The following TANC1 variants were observed in gnomAD, a reference collection of about 807,000 sequenced individuals.
The protein encoded by TANC1 is protein TANC1.
TANC1 carries 77 observed loss-of-function variants against 149.7 expected under a neutral mutation model. That is an observed-to-expected ratio of 0.51 (90% confidence interval 0.43 to 0.62). The LOEUF (loss-of-function observed/expected upper bound fraction) is 0.62, where lower values mean the gene tolerates loss of function less well. TANC1 is among the 20% of genes least tolerant of loss of function. The pLI is 0.00. For missense variants in TANC1, 1,985 were observed against 2,321.8 expected, an observed-to-expected ratio of 0.85 and a Z score of 2.98; for synonymous variants, 854 against 925.0, an observed-to-expected ratio of 0.92 and a Z score of 1.39.
intron 1 of TANC1, among the ~76,000 whole-genome samples, chr2:158,977,858 TC>T (rs1457643369): frequency 6.6e-6 from 1 of 152,082 alleles, no homozygotes; most frequent in African/African-American, 2.4e-5. Flanking sequence ...ACCACTGAAC[TC>T]CTGCCCGTCC....
intron 23 of TANC1, 76 bp downstream of exon 23, chr2:159,224,440 T>C: frequency 2.6e-6 from 4 of 1,547,394 alleles, no homozygotes; most frequent in Non-Finnish European, 2.7e-6. Flanking sequence ...GCACAGAGAG[T>C]GACCTGCTCC....
At position 159,170,718 on chromosome 2, in the gene TANC1, G is replaced by A; in HGVS notation, c.1264G>A (p.Ala422Thr). The change falls in exon 10 of 27, where the codon GCA (alanine) becomes ACA (threonine). Residue 422 changes from alanine to threonine, a missense_variant. Ala to Thr is a moderately conservative substitution (Grantham distance 58). This residue lies in a region of TANC1 where 557 missense variants were observed against 612.9 expected (regional missense o/e 0.91). Coordinates refer to ENST00000263635, the MANE Select transcript of TANC1 (RefSeq NM_033394.3). ...VVGNVGFGKT[A>T]IISKLVALSC... ...TGGCAATGTGGGATTTGGGAAGACG[G>A]CAATCATTTCCAAGTTGGTGGCCCT... is the stretch of plus-strand genomic sequence containing the variant. 3 of 1,614,162 alleles carry A rather than the reference G, an allele frequency of 1.9e-6. No homozygotes were observed. Among genetic ancestry groups the A allele is most frequent in the Non-Finnish European group, 2.5e-6 (3 of 1,180,036 alleles).
chr2:159,108,347 G>A (rs746900848), intron 4 of TANC1, among the ~76,000 whole-genome samples: 5 of 152,076 alleles, frequency 3.3e-5, no homozygotes, highest in Non-Finnish European at 5.9e-5. Flanking sequence ...TTTGCTGCCC[G>A]TTTCCCGCCG....
intron 1 of TANC1, among the ~76,000 whole-genome samples, chr2:158,970,275 C>A (rs1362058928): frequency 6.6e-6 from 1 of 152,024 alleles, no homozygotes; most frequent in African/African-American, 2.4e-5. Flanking sequence ...TTTTTTCCTT[C>A]CTTGGTCATC....
chr2:159,092,128 A>G (rs1227822902), intron 3 of TANC1, among the ~76,000 whole-genome samples: 1 of 152,196 alleles, frequency 6.6e-6, no homozygotes, highest in Non-Finnish European at 1.5e-5. Flanking sequence ...GATAAACAGA[A>G]CATCTTTCTT....
intron 3 of TANC1, among the ~76,000 whole-genome samples, chr2:159,092,372 A>T (rs1235040756): frequency 6.6e-6 from 1 of 152,058 alleles, no homozygotes; most frequent in African/African-American, 2.4e-5. Context: ...TTAATCTGTG[A>T]TGTTGGATGT....
At chr2:159,036,034 T>A (rs1237750483) in intron 2 of TANC1, among the ~76,000 whole-genome samples, 1 of 152,196 alleles carries the variant, frequency 6.6e-6, no homozygotes, top group East Asian at 1.9e-4. Flanking sequence ...CTTTTATACT[T>A]GTCTGTCGGT....
intron 3 of TANC1, among the ~76,000 whole-genome samples, chr2:159,093,369 T>C (rs1307491697): frequency 6.6e-6 from 1 of 152,248 alleles, no homozygotes; most frequent in Non-Finnish European, 1.5e-5. Context: ...AAGCTTCTGC[T>C]GAGGAATGTT....
chr2:158,999,552 A>G lies in TANC1; in HGVS notation c.-125-1528A>G, dbSNP rs541760144. On this transcript the variant is annotated intron_variant, in intron 1 of 26. Transcript: ENST00000263635. Reference sequence around the variant, plus strand: ...CTACCTAAGCCAGTGTCAGCTGGATATTTTTCATAAACTGCCTTGCTATTT... The same window carrying G: ...CTACCTAAGCCAGTGTCAGCTGGATGTTTTTCATAAACTGCCTTGCTATTT... 2.2e-4 allele frequency among the ~76,000 whole-genome samples: 33 copies of G among 152,168 alleles called. 1 individual carries two copies. The highest frequency in any genetic ancestry group is 7.7e-4 in the African/African-American group (32 of 41,520).
intron 3 of TANC1, among the ~76,000 whole-genome samples, chr2:159,093,497 G>C (rs531400422): frequency 3.3e-5 from 5 of 152,130 alleles, no homozygotes; most frequent in East Asian, 1.9e-4. Flanking sequence ...TGCTTTCTTT[G>C]TTTGACCGTA....
rs752204975 is a variant in TANC1 at position 159,230,323 on chromosome 2, C to T, written c.4897C>T (p.His1633Tyr). Reference protein sequence around the residue: ...KTKTTERLLSHSSVAVDAAPP... With the variant: ...KTKTTERLLSYSSVAVDAAPP... ...GAAAACCACAGAGAGGCTTCTGTCT[C>T]ATTCCTCCGTGGCTGTGGACGCAGC... Residue 1633 changes from histidine to tyrosine, a missense_variant, in exon 27 of 27, where the codon CAT becomes TAT. By Grantham distance (83) the His-to-Tyr change is moderately conservative. Around this residue, in one of 3 missense-constraint regions of TANC1, gnomAD observed 920 missense variants for 994.7 expected, o/e 0.92. Coordinates refer to ENST00000263635, the MANE Select transcript of TANC1 (RefSeq NM_033394.3). This position sits in a 1 kb window ranked among gnomAD's most constrained non-coding sequence, Gnocchi z 4.4. 3.1e-6 allele frequency: 5 copies of T among 1,614,196 alleles called. No individual in the cohort carries two copies. The South Asian group carries it at 5.5e-5, about 18-fold the overall frequency.
intron 2 of TANC1, among the ~76,000 whole-genome samples, chr2:159,041,005 C>A (rs997984237): frequency 2.6e-5 from 4 of 152,188 alleles, no homozygotes; most frequent in Non-Finnish European, 4.4e-5. Context: ...AGTTTTCCTT[C>A]TAAGAGTCAG....
chr2:159,072,514 AT>A (rs1158193293), intron 3 of TANC1, among the ~76,000 whole-genome samples: 1 of 152,248 alleles, frequency 6.6e-6, no homozygotes, highest in Non-Finnish European at 1.5e-5. Flanking sequence ...TCAGGGTTGA[AT>A]ACGAATACCT....
At chr2:159,054,580 G>T (rs2041708248) in intron 2 of TANC1, among the ~76,000 whole-genome samples, 1 of 152,194 alleles carries the variant, frequency 6.6e-6, no homozygotes, top group Non-Finnish European at 1.5e-5. Context: ...ATTCTGTGAT[G>T]AATAGCTGCC....
intron 4 of TANC1, among the ~76,000 whole-genome samples, chr2:159,115,198 A>G (rs200850024): frequency 6.0e-5 from 8 of 134,358 alleles, no homozygotes; most frequent in Non-Finnish European, 8.0e-5. Flanking sequence ...GTGTGTGTGT[A>G]TGTGTGTCCG....
In TANC1 at chr2:158,991,400, G is replaced by T. The variant is rs908463554; in HGVS notation, c.-125-9680G>T. On this transcript the variant is annotated intron_variant, in intron 1 of 26. Coordinates refer to ENST00000263635, the MANE Select transcript of TANC1 (RefSeq NM_033394.3). ...GAGGTAGGTTTATGTGTGCTCTTAA[G>T]GAAAATTTTCCAAGAATATTATTTA... 6.6e-5 allele frequency among the ~76,000 whole-genome samples: 10 copies of T among 152,208 alleles called. No individual in the cohort carries two copies. In the East Asian group the frequency reaches 1.9e-3, roughly 29 times the overall value.
intron 7 of TANC1, among the ~76,000 whole-genome samples, chr2:159,150,991 T>C (rs1176201294): frequency 6.6e-6 from 1 of 152,164 alleles, no homozygotes; most frequent in Non-Finnish European, 1.5e-5. Context: ...CTAGGGTTTC[T>C]TATCATGGGA....
intron 19 of TANC1, among the ~76,000 whole-genome samples, chr2:159,203,422 GTCTCCA>G (rs2058388197): frequency 6.6e-6 from 1 of 151,930 alleles, no homozygotes; most frequent in African/African-American, 2.4e-5. Context: ...GGCCAGGATG[GTCTCCA>G]TCTCCTGACC....
At chr2:159,036,275 A>G (rs1310620677) in intron 2 of TANC1, among the ~76,000 whole-genome samples, 3 of 152,134 alleles carry the variant, frequency 2.0e-5, no homozygotes, top group East Asian at 1.9e-4. Flanking sequence ...GAGGTCATCA[A>G]CCTTATGTAG....
Sources: gnomAD v4.1 joint callset for allele counts (sites outside exome capture counted in the v4.1 genomes callset) on GRCh38, gnomAD v4.1.1 for gene constraint, gnomAD v4.1.1 regional missense constraint, Gnocchi (gnomAD v3.1) non-coding constraint, MANE v1.5 for transcripts, NCBI Gene and HGNC (gene_info 2026-07-23, HGNC 2026-07-21) for gene names.